THSD7A: variants seen among roughly 807,000 people sequenced by gnomAD.
THSD7A encodes the protein thrombospondin type 1 domain containing 7A.
In THSD7A, 96 loss-of-function variants were observed where a neutral mutation model predicts 231.3. The ratio of observed to expected loss-of-function variants is 0.41; its 90% CI spans 0.35 to 0.49. THSD7A has a LOEUF of 0.49. Among genes scored for constraint, THSD7A ranks in the 20% least tolerant of loss-of-function variants. The pLI is 0.05. For missense variants in THSD7A, 2,290 were observed against 2,070.2 expected (o/e 1.11, Z -2.06); for synonymous variants, 940 against 743.3 (o/e 1.26, Z -4.30).
At chr7:11,762,549 C>T (rs972802019) in intron 1 of THSD7A, among the ~76,000 whole-genome samples, 4 of 152,000 alleles carry the variant, frequency 2.6e-5, no homozygotes, top group South Asian at 2.1e-4. Flanking sequence ...AATGTCTGTT[C>T]GTGTCCTTTG....
intron 7 of THSD7A, among the ~76,000 whole-genome samples, chr7:11,477,868 C>T (rs1042642560): frequency 6.6e-6 from 1 of 152,066 alleles, no homozygotes; most frequent in Non-Finnish European, 1.5e-5. Context: ...GTGAATGAGG[C>T]TAATATATGT....
chr7:11,398,121 G>C (rs6954956), intron 23 of THSD7A, among the ~76,000 whole-genome samples: 56,754 of 151,900 alleles, frequency 0.37, 10,966 homozygotes, highest in African/African-American at 0.47. Context: ...CAATAGCGAA[G>C]ACTTGGAACC....
intron 15 of THSD7A, 71 bp downstream of exon 15, chr7:11,426,595 T>G: frequency 7.0e-7 from 1 of 1,421,804 alleles, no homozygotes; most frequent in Non-Finnish European, 9.4e-7. Flanking sequence ...AAGAGAAATG[T>G]ATTCTCAGAA....
chr7:11,508,944 G>A lies in THSD7A; in HGVS notation c.1823-26962C>T, dbSNP rs1432605065. Among the ~76,000 whole-genome samples, 4 of 152,158 alleles carry A rather than the reference G, an allele frequency of 2.6e-5. 1 individual carries two copies. The highest frequency in any genetic ancestry group is 4.1e-4 in the South Asian group (2 of 4,834). ...GGTAGTTGCCAGGGGCTGTAGGAGA[G>A]GGAAATGAAGACTTACCAACAAATT... On this transcript the variant is annotated intron_variant, in intron 6 of 27. Transcript: ENST00000423059.
intron 4 of THSD7A, among the ~76,000 whole-genome samples, chr7:11,553,163 G>A (rs1266182233): frequency 6.6e-6 from 1 of 152,086 alleles, no homozygotes; most frequent in African/African-American, 2.4e-5. Context: ...CAGCTGCTAA[G>A]CGCACCAAAT....
chr7:11,540,692 T>C (rs954260819), intron 6 of THSD7A, among the ~76,000 whole-genome samples: 1 of 152,020 alleles, frequency 6.6e-6, no homozygotes, highest in Non-Finnish European at 1.5e-5. Flanking sequence ...AGGTAAGGAG[T>C]TCTCCCCAAA....
rs1406008445 is a variant in THSD7A at position 11,373,907 on chromosome 7, G to A, written c.*1887C>T. 1 of 152,026 alleles carries A rather than the reference G, an allele frequency of 6.6e-6. No homozygotes were observed. 9.4% of individuals were successfully genotyped at this position (152,026 alleles called of 1,614,324 possible). A position where few individuals can be genotyped will look rare whatever the true frequency, so the allele number is the denominator to read the frequency against. Reference sequence around the variant, plus strand: ...GTTGCAATAATGTTGCCTGAAAATGGTATTGCTTTTTAATGGCACCTTTTG... The same window carrying A: ...GTTGCAATAATGTTGCCTGAAAATGATATTGCTTTTTAATGGCACCTTTTG... On this transcript the variant is annotated 3_prime_UTR_variant, in exon 28 of 28. Transcript: ENST00000423059.
At chr7:11,711,778 A>C (rs1221108954) in intron 1 of THSD7A, among the ~76,000 whole-genome samples, 1 of 151,214 alleles carries the variant, frequency 6.6e-6, no homozygotes, top group Non-Finnish European at 1.5e-5. Flanking sequence ...GCTGCACAAG[A>C]GAAGTATGGC....
chr7:11,650,343 T>A (rs1036634790), intron 1 of THSD7A, among the ~76,000 whole-genome samples: 3 of 152,048 alleles, frequency 2.0e-5, no homozygotes, highest in African/African-American at 7.2e-5. Context: ...TTTCTGGAAT[T>A]CTTCCAAAGA....
chr7:11,481,621 T>C (rs1297834902), intron 7 of THSD7A, among the ~76,000 whole-genome samples, 167 bp downstream of exon 7: 1 of 152,172 alleles, frequency 6.6e-6, no homozygotes, highest in Non-Finnish European at 1.5e-5. Flanking sequence ...AGATTAATTT[T>C]GGGGGACAGA....
intron 11 of THSD7A, among the ~76,000 whole-genome samples, chr7:11,449,915 T>G (rs563166028): frequency 6.6e-6 from 1 of 152,212 alleles, no homozygotes; most frequent in Non-Finnish European, 1.5e-5. Context: ...ATAAGACATC[T>G]GATCATATGA....
chr7:11,451,222 A>G (rs530371585), intron 11 of THSD7A, among the ~76,000 whole-genome samples: 1 of 152,070 alleles, frequency 6.6e-6, no homozygotes, highest in African/African-American at 2.4e-5. Context: ...GAAATACACG[A>G]ACCAAATGCA....
intron 1 of THSD7A, among the ~76,000 whole-genome samples, chr7:11,746,202 T>C (rs1041919056): frequency 6.6e-6 from 1 of 151,926 alleles, no homozygotes. Context: ...TAAACATTTA[T>C]TTTGGAATAA....
intron 1 of THSD7A, among the ~76,000 whole-genome samples, chr7:11,684,044 G>A (rs1414901642): frequency 6.6e-6 from 1 of 151,734 alleles, no homozygotes; most frequent in African/African-American, 2.4e-5. Context: ...ACAATCAAGT[G>A]GGTTTATTCT....
chr7:11,500,636 T>C (rs1462058358), intron 6 of THSD7A, among the ~76,000 whole-genome samples: 2 of 150,376 alleles, frequency 1.3e-5, no homozygotes, highest in African/African-American at 2.4e-5. Flanking sequence ...ACCAAGCAAA[T>C]GGAAAAAAGA....
intron 1 of THSD7A, among the ~76,000 whole-genome samples, chr7:11,810,120 C>A (rs1001856113): frequency 6.6e-6 from 1 of 152,170 alleles, no homozygotes; most frequent in Non-Finnish European, 1.5e-5. Context: ...TCTTAGCATA[C>A]AGCTGGCAGA....
chr7:11,596,923 G>T (rs1780382189), intron 2 of THSD7A, among the ~76,000 whole-genome samples: 2 of 152,226 alleles, frequency 1.3e-5, no homozygotes. Context: ...TTTGCCTTCA[G>T]CTGGCAAGGC....
chr7:11,520,712 G>C (rs1342114427), intron 6 of THSD7A, among the ~76,000 whole-genome samples: 1 of 152,144 alleles, frequency 6.6e-6, no homozygotes, highest in Non-Finnish European at 1.5e-5. Flanking sequence ...AATTTGACTA[G>C]AATTTAAATC....
intron 1 of THSD7A, among the ~76,000 whole-genome samples, chr7:11,651,486 A>ACTAT (rs3031459): frequency 0.3 from 45,520 of 149,562 alleles, 7,134 homozygotes; most frequent in African/African-American, 0.41. Context: ...CTATCTATCA[A>ACTAT]CTATCTATCT....
Sources: allele counts gnomAD v4.1 joint callset (sites outside exome capture counted in the v4.1 genomes callset), GRCh38; gene constraint gnomAD v4.1.1; transcripts MANE v1.5; gene names NCBI Gene and HGNC (gene_info 2026-07-23, HGNC 2026-07-21).